The following MICAL2 variants were observed in gnomAD, a reference collection of about 807,000 sequenced individuals.
The protein encoded by MICAL2 is [F-actin]-monooxygenase MICAL2.
MICAL2 carries 77 observed loss-of-function variants against 127.3 expected under a neutral mutation model. The ratio of observed to expected loss-of-function variants is 0.60; its 90% CI spans 0.50 to 0.73. The LOEUF (loss-of-function observed/expected upper bound fraction) is 0.73, where lower values mean the gene tolerates loss of function less well. Ranked by LOEUF, MICAL2 falls within the 30% of genes least tolerant of loss-of-function variation. The pLI, the probability that MICAL2 is intolerant of heterozygous loss-of-function variation, is 0.00. For synonymous variants in MICAL2, 570 were observed against 551.1 expected (o/e 1.03, Z -0.48); for missense variants, 1,351 against 1,434.4 (o/e 0.94, Z 0.94).
intron 26 of MICAL2, chr11:12,262,152 C>A (rs1230469602): frequency 8.4e-7 from 1 of 1,192,562 alleles, no homozygotes; most frequent in African/African-American, 1.6e-5. Context: ...CAGGGGTGGA[C>A]CCCCGAGGAT....
At chr11:12,241,707 T>A (rs1218644828) in intron 18 of MICAL2, among the ~76,000 whole-genome samples, 1 of 152,220 alleles carries the variant, frequency 6.6e-6, no homozygotes, top group African/African-American at 2.4e-5. Flanking sequence ...GAATCACTGT[T>A]ATTGACCATA....
chr11:12,325,099 T>A (rs908775910), intron 31 of MICAL2, among the ~76,000 whole-genome samples: 2 of 152,074 alleles, frequency 1.3e-5, no homozygotes, highest in African/African-American at 4.8e-5. Context: ...CCTTAGTTGT[T>A]GTTTTTTGTT....
chr11:12,116,011 C>T (rs796570428), intron 1 of MICAL2, among the ~76,000 whole-genome samples: 25 of 139,228 alleles, frequency 1.8e-4, no homozygotes, highest in African/African-American at 6.7e-4. Flanking sequence ...GATGGAGTCT[C>T]GCTCTTTCAC....
At position 12,338,131 on chromosome 11, in the gene MICAL2, T is replaced by G. The variant is rs1218745592; in HGVS notation, c.5515+10865T>G. Among the ~76,000 whole-genome samples, 328 of 152,252 alleles carry G rather than the reference T, an allele frequency of 2.2e-3. 1 individual carries two copies. The highest frequency in any genetic ancestry group is 2.6e-3 in the Non-Finnish European group (175 of 68,010). ...ACTAAGGACTTGCTTTATGAATCTG[T>G]GTGCTCCTGTATTGGGTGCATATAT... On this transcript the variant is annotated intron_variant, in intron 32 of 34. Coordinates refer to the MICAL2 transcript ENST00000646065.
Position 12,204,286 on chromosome 11 carries a change from A to G in MICAL2, c.301A>G (p.Thr101Ala). 3 of 1,613,698 alleles carry G rather than the reference A, an allele frequency of 1.9e-6. No individual in the cohort carries two copies. The highest frequency in any genetic ancestry group is 2.5e-6 in the Non-Finnish European group (3 of 1,179,996). The change falls in exon 4 of 28, where the codon ACT becomes GCT. Residue 101 changes from threonine to alanine, a missense_variant. Thr to Ala is a moderately conservative substitution (Grantham distance 58). Coordinates refer to ENST00000683283, the MANE Select transcript of MICAL2 (RefSeq NM_001282663.2). ...IVGGGPCGLR[T>A]AIELAYLGAK... ...TGGGGGAGGACCCTGTGGCTTGCGC[A>G]CTGCCATTGAACTTGCCTACCTGGG...
chr11:12,205,659 C>T (rs1854585167), intron 4 of MICAL2, among the ~76,000 whole-genome samples: 1 of 152,214 alleles, frequency 6.6e-6, no homozygotes, highest in Non-Finnish European at 1.5e-5. Context: ...ATCCCTTACC[C>T]TCTTCAAGCC....
At chr11:12,164,085 C>T (rs1855179624) in intron 3 of MICAL2, among the ~76,000 whole-genome samples, 1 of 152,084 alleles carries the variant, frequency 6.6e-6, no homozygotes, top group African/African-American at 2.4e-5. Flanking sequence ...GGCTGACCAC[C>T]AAGAAGAGAC....
chr11:12,165,071 A>G (rs562452666), intron 3 of MICAL2, among the ~76,000 whole-genome samples: 11 of 150,754 alleles, frequency 7.3e-5, no homozygotes, highest in Non-Finnish European at 1.5e-4. Flanking sequence ...CCCAGGAGGC[A>G]TAGGTTGCAG....
downstream of MICAL2, chr11:12,294,359 C>T (rs759153473): frequency 5.0e-5 from 80 of 1,614,088 alleles, no homozygotes; most frequent in Non-Finnish European, 6.0e-5. Context: ...GGCCTGCACT[C>T]GCTCATTCAG....
downstream of MICAL2, chr11:12,294,821 C>CCTCCTT (rs1237724145): frequency 1.3e-6 from 2 of 1,515,828 alleles, no homozygotes; most frequent in South Asian, 1.3e-5. Context: ...TCCTCCTCCT[C>CCTCCTT]CTCCTCCTCC....
intron 32 of MICAL2, among the ~76,000 whole-genome samples, chr11:12,342,549 T>C (rs551064144): frequency 2.0e-4 from 31 of 152,348 alleles, no homozygotes; most frequent in African/African-American, 7.0e-4. Context: ...ACTATAGAAC[T>C]AGACGTTGGA....
chr11:12,320,080 A>G (rs1160679590), intron 30 of MICAL2, among the ~76,000 whole-genome samples: 1 of 152,196 alleles, frequency 6.6e-6, no homozygotes, highest in Non-Finnish European at 1.5e-5. Flanking sequence ...GGCAGCTCTT[A>G]AAGTGGGTTT....
At chr11:12,131,420 T>C (rs1199057263) in intron 1 of MICAL2, among the ~76,000 whole-genome samples, 3 of 151,642 alleles carry the variant, frequency 2.0e-5, no homozygotes, top group African/African-American at 4.9e-5. Context: ...GCTGGTCTCC[T>C]CTCCTCTGCA....
At chr11:12,114,348 T>G (rs1321803455) in intron 1 of MICAL2, among the ~76,000 whole-genome samples, 1 of 152,270 alleles carries the variant, frequency 6.6e-6, no homozygotes, top group Non-Finnish European at 1.5e-5. Context: ...ACTGTGCTTC[T>G]TAGACATCAC....
At chr11:12,308,887 A>G (rs1348676018) in intron 29 of MICAL2, among the ~76,000 whole-genome samples, 1 of 152,242 alleles carries the variant, frequency 6.6e-6, no homozygotes, top group East Asian at 1.9e-4. Context: ...TTATTAGATC[A>G]ACAAAATTTC....
At chr11:12,334,985 G>A (rs539735952) in intron 32 of MICAL2, among the ~76,000 whole-genome samples, 227 of 152,136 alleles carry the variant, frequency 1.5e-3, no homozygotes, top group African/African-American at 5.0e-3. Flanking sequence ...GGATTGCTGG[G>A]TCAAATGGTA....
chr11:12,287,006 G>T, intron 2 of MICAL2: 1 of 398,556 alleles, frequency 2.5e-6, no homozygotes, highest in South Asian at 1.3e-4. Context: ...TGAGCTATAG[G>T]AGATAAATTC....
intron 3 of MICAL2, among the ~76,000 whole-genome samples, chr11:12,171,938 CTGAGA>C (rs1344384687): frequency 1.3e-5 from 2 of 152,158 alleles, no homozygotes; most frequent in African/African-American, 4.8e-5. Flanking sequence ...AAAATGATTA[CTGAGA>C]TATTTTGCTT....
intron 2 of MICAL2, among the ~76,000 whole-genome samples, chr11:12,144,815 T>C (rs1054905691): frequency 2.6e-5 from 4 of 152,188 alleles, no homozygotes; most frequent in Non-Finnish European, 5.9e-5. Flanking sequence ...CATTAGAGAC[T>C]GGTTCTACCC....
Sources: allele counts gnomAD v4.1 joint callset (sites outside exome capture counted in the v4.1 genomes callset), GRCh38; gene constraint gnomAD v4.1.1; transcripts MANE v1.5; gene names NCBI Gene and HGNC (gene_info 2026-07-23, HGNC 2026-07-21).